GOLGA6L9: variants seen among roughly 807,000 people sequenced by gnomAD.
The protein encoded by GOLGA6L9 is golgin subfamily A member 6-like protein 9.
Under a neutral mutation model 51.3 loss-of-function variants are expected in GOLGA6L9, and 19 were observed. The ratio of observed to expected loss-of-function variants is 0.37; its 90% CI spans 0.26 to 0.54. The LOEUF (loss-of-function observed/expected upper bound fraction) is 0.54. Ranked by LOEUF, GOLGA6L9 falls within the 20% of genes least tolerant of loss-of-function variation. The pLI is 0.83. For synonymous variants in GOLGA6L9, 97 were observed against 184.2 expected (o/e 0.53, Z 3.83); for missense variants, 247 against 464.1 (o/e 0.53, Z 4.30).
intron 4 of GOLGA6L9, among the ~76,000 whole-genome samples, 189 bp from the exon 5 acceptor site, chr15:82,433,373 T>A (rs1212883738): frequency 2.0e-5 from 3 of 152,144 alleles, no homozygotes; most frequent in East Asian, 3.9e-4. Context: ...CTGTCTGTCC[T>A]TTGCTGTTTT....
At chr15:82,416,322 A>AT in the GOLGA6L9 span, among the ~76,000 whole-genome samples, 24 of 150,750 alleles carry the variant, frequency 1.6e-4, no homozygotes, top group East Asian at 2.5e-3. Context: ...TTGGTGACAG[A>AT]TTTTTTTTTT....
At chr15:82,427,306 CCTCT>C (rs1158303861), upstream of GOLGA6L9, among the ~76,000 whole-genome samples, 13 of 142,502 alleles carry the variant, frequency 9.1e-5, no homozygotes, top group South Asian at 2.2e-4. Context: ...TCCCTCCCTC[CCTCT>C]CTTTCTTTCC....
the GOLGA6L9 span, among the ~76,000 whole-genome samples, chr15:82,416,210 C>T: frequency 8.6e-5 from 13 of 152,004 alleles, no homozygotes; most frequent in South Asian, 8.3e-4. Flanking sequence ...TCAGAGTATA[C>T]GAAACCAATT....
upstream of GOLGA6L9, among the ~76,000 whole-genome samples, chr15:82,428,691 G>A (rs2031280878): frequency 2.6e-5 from 2 of 77,892 alleles, no homozygotes; most frequent in Middle Eastern, 9.0e-3. Flanking sequence ...TGCTGCTGGT[G>A]CTGCTAGTCC....
In GOLGA6L9 at chr15:82,437,903, A is replaced by G. The variant is rs2031763250; in HGVS notation, c.*1492A>G. The G allele has an allele frequency of 1.3e-5, 2 of 151,228 alleles. 1 individual carries two copies. Among genetic ancestry groups the G allele is most frequent in the African/African-American group, 4.9e-5 (2 of 41,002 alleles). The allele number at this position is 151,228 out of a possible 1,614,324, so 9.4% of individuals were successfully genotyped here. ...CACAAAGTTCTTTACAAAGAGTGAA[A>G]TATGTTTTTATACCTCTCAGTTTCA... On this transcript the variant is annotated 3_prime_UTR_variant, in exon 9 of 9. Transcript: ENST00000618348.
upstream of GOLGA6L9, among the ~76,000 whole-genome samples, chr15:82,426,173 C>A (rs2031209607): frequency 1.9e-5 from 1 of 51,760 alleles, no homozygotes; most frequent in Non-Finnish European, 3.5e-5. Context: ...GAAGAGTAGC[C>A]CCAGGAGGGT....
chr15:82,429,763 T>C (rs1426982360), upstream of GOLGA6L9, among the ~76,000 whole-genome samples: 1 of 152,072 alleles, frequency 6.6e-6, no homozygotes, highest in Admixed American at 6.5e-5. Context: ...TTTTTAACAG[T>C]TTTAAAGCTT....
In GOLGA6L9 at chr15:82,438,728, A is replaced by G. The variant is rs1310701483; in HGVS notation, c.*2317A>G. Reference sequence around the variant, plus strand: ...TTGATTAAACCTGGTAGGTTTTCCCAAAATGAAAAACAATCAGTTCTAAAA... The same window carrying G: ...TTGATTAAACCTGGTAGGTTTTCCCGAAATGAAAAACAATCAGTTCTAAAA... On this transcript the variant is annotated 3_prime_UTR_variant, in exon 9 of 9. Coordinates refer to ENST00000618348, the MANE Select transcript of GOLGA6L9 (RefSeq NM_198181.4). 90 of 110,224 alleles carry G rather than the reference A, an allele frequency of 8.2e-4. No individual in the cohort carries two copies. Among genetic ancestry groups the G allele is most frequent in the African/African-American group, 1.5e-3 (44 of 28,792 alleles). 6.8% of individuals were successfully genotyped at this position (110,224 alleles called of 1,614,324 possible). A position where few individuals can be genotyped will look rare whatever the true frequency, so the allele number is the denominator to read the frequency against.
At chr15:82,418,922 T>C in the GOLGA6L9 span, 6 of 152,464 alleles carry the variant, frequency 3.9e-5, no homozygotes, top group African/African-American at 1.4e-4. Flanking sequence ...CTTTGGAATA[T>C]TTAGGGCCAC....
chr15:82,421,365 AT>A, the GOLGA6L9 span, among the ~76,000 whole-genome samples: 13 of 150,420 alleles, frequency 8.6e-5, no homozygotes, highest in African/African-American at 3.2e-4. Context: ...ATTCCCAAAG[AT>A]TAAAAGCAGG....
the GOLGA6L9 span, among the ~76,000 whole-genome samples, chr15:82,416,439 A>G: frequency 1.3e-5 from 2 of 152,192 alleles, no homozygotes; most frequent in Admixed American, 6.5e-5. Context: ...TGGTGACAGC[A>G]GAAGAGAATA....
At position 82,439,011 on chromosome 15, in the gene GOLGA6L9, T is replaced by C. The variant is rs1347235610; in HGVS notation, c.*2600T>C. On this transcript the variant is annotated 3_prime_UTR_variant, in exon 9 of 9. Transcript: ENST00000618348. ...TTGCCAAGTTTTCTTAGAATGACTTTTACCGATTTATGAATTCTTATACAC... is the reference window on the plus strand; with the variant it reads ...TTGCCAAGTTTTCTTAGAATGACTTCTACCGATTTATGAATTCTTATACAC... The C allele has an allele frequency of 1.3e-5, 2 of 148,490 alleles. No individual in the cohort carries two copies. The highest frequency in any genetic ancestry group is 3.0e-5 in the Non-Finnish European group (2 of 66,936). 9.2% of individuals were successfully genotyped at this position (148,490 alleles called of 1,614,324 possible). A position where few individuals can be genotyped will look rare whatever the true frequency, so the allele number is the denominator to read the frequency against.
intron 5 of GOLGA6L9, among the ~76,000 whole-genome samples, 186 bp downstream of exon 5, chr15:82,433,835 G>T (rs1417983105): frequency 9.3e-5 from 9 of 97,270 alleles, no homozygotes; most frequent in East Asian, 3.0e-4. Context: ...AAAGAGGGAG[G>T]AGTGCCCATT....
chr15:82,430,299 C>T, intron 1 of GOLGA6L9, 136 bp downstream of exon 1: 1 of 336,000 alleles, frequency 3.0e-6, no homozygotes, highest in East Asian at 5.3e-5. Context: ...GCTCCCCCAA[C>T]CAAAGCCTAG....
Position 82,431,943 on chromosome 15 carries a change from T to A in GOLGA6L9, c.198T>A (p.Pro66=). The A allele has an allele frequency of 2.2e-6, 3 of 1,353,160 alleles. 1 individual carries two copies. The highest frequency in any genetic ancestry group is 1.5e-5 in the African/African-American group (1 of 68,664). 83.8% of individuals were successfully genotyped at this position (1,353,160 alleles called of 1,614,324 possible). Residue 66 remains proline, a synonymous_variant, in exon 2 of 9, where the codon CCT becomes CCA. Coordinates refer to ENST00000618348, the MANE Select transcript of GOLGA6L9 (RefSeq NM_198181.4). ...TCACTTCTGGTGGTTACCACTCACC[T>A]GGGGATGTGAGTCTCGGCGGGCCAG... ...DTFTSGGYHS[P]GDSATGIYGE... is the part of the protein sequence containing the mutation.
intron 1 of GOLGA6L9, 97 bp from the exon 2 acceptor site, chr15:82,431,732 CA>C: frequency 8.0e-7 from 1 of 1,247,820 alleles, no homozygotes; most frequent in Admixed American, 3.0e-5. Flanking sequence ...GGCATTACAT[CA>C]GATGGTATAT....
rs879199134 is a variant in GOLGA6L9, at chr15:82,437,784, G to A, written c.*1373G>A. The A allele has an allele frequency of 4.0e-5, 6 of 150,998 alleles. No homozygotes were observed. Among genetic ancestry groups the A allele is most frequent in the Non-Finnish European group, 7.4e-5 (5 of 67,766 alleles). 9.4% of individuals were successfully genotyped at this position (150,998 alleles called of 1,614,324 possible). A position where few individuals can be genotyped will look rare whatever the true frequency, so the allele number is the denominator to read the frequency against. On this transcript the variant is annotated 3_prime_UTR_variant, in exon 9 of 9. Coordinates refer to ENST00000618348, the MANE Select transcript of GOLGA6L9 (RefSeq NM_198181.4). ...AAAATCAAGGAGCAGTTTATGCAAC[G>A]TAAAACGTTTACAAACTGCAGCACA...
In GOLGA6L9 at chr15:82,429,909, C is replaced by A. The variant is rs1428243199; in HGVS notation, c.-171C>A. ...TCCCTCTGGACATGCTGCGCCTGGC[C>A]ACGCCTCCTTTCCCTTTCATCTTTC... is the stretch of plus-strand genomic sequence containing the variant. On this transcript the variant is annotated 5_prime_UTR_variant, in exon 1 of 9. Transcript: ENST00000618348. 15 of 844,852 alleles carry A rather than the reference C, an allele frequency of 1.8e-5. No homozygotes were observed. Among genetic ancestry groups the A allele is most frequent in the Non-Finnish European group, 3.1e-5 (15 of 491,428 alleles). 52.3% of individuals were successfully genotyped at this position (844,852 alleles called of 1,614,324 possible).
chr15:82,436,440 A>C lies in GOLGA6L9; in HGVS notation c.*29A>C, dbSNP rs1283731027. ...CGGGTCAAGAAATTGAAAAAAAAAAACAAAACATTTAAGGGGTTAATATCC... is the reference window on the plus strand; with the variant it reads ...CGGGTCAAGAAATTGAAAAAAAAAACCAAAACATTTAAGGGGTTAATATCC... On this transcript the variant is annotated 3_prime_UTR_variant, in exon 9 of 9. Transcript: ENST00000618348. The C allele has an allele frequency of 4.4e-5, 67 of 1,509,362 alleles. 5 individuals carry two copies. The highest frequency in any genetic ancestry group is 3.8e-4 in the South Asian group (33 of 85,810). The allele number at this position is 1,509,362 out of a possible 1,614,324, so 93.5% of individuals were successfully genotyped here.
Sources: allele counts gnomAD v4.1 joint callset (sites outside exome capture counted in the v4.1 genomes callset), GRCh38; gene constraint gnomAD v4.1.1; transcripts MANE v1.5; gene names NCBI Gene and HGNC (gene_info 2026-07-23, HGNC 2026-07-21).